Variants in TNKS observed in about 807,000 individuals in gnomAD.
The protein encoded by TNKS is poly [ADP-ribose] polymerase tankyrase-1.
A neutral mutation model predicts 135.8 loss-of-function variants in TNKS; 72 were observed. The observed-to-expected ratio is 0.53, with a 90% CI of 0.44 to 0.64. The LOEUF is 0.64. Ranked by LOEUF, TNKS falls within the 30% of genes least tolerant of loss-of-function variation. The probability of loss-of-function intolerance (pLI) is 0.00; values close to 1 mark genes in which losing one functional copy is unlikely to be tolerated. For synonymous variants in TNKS, 849 were observed against 649.3 expected (o/e 1.31, Z -4.68); for missense variants, 1,769 against 1,674.0 (o/e 1.06, Z -0.99).
intron 20 of TNKS, among the ~76,000 whole-genome samples, chr8:9,758,855 A>T (rs953696732): frequency 3.3e-5 from 5 of 152,226 alleles, no homozygotes; most frequent in African/African-American, 1.2e-4. Flanking sequence ...TCAGGAGTCT[A>T]TGCACAGCTT....
At chr8:9,741,319 GA>G (rs1805947437) in intron 17 of TNKS, among the ~76,000 whole-genome samples, 2 of 152,118 alleles carry the variant, frequency 1.3e-5, no homozygotes, top group Non-Finnish European at 2.9e-5. Flanking sequence ...TATGAGTAGG[GA>G]CAGATGGTGG....
chr8:9,626,708 G>A (rs28657377), intron 3 of TNKS, among the ~76,000 whole-genome samples: 1,706 of 152,230 alleles, frequency 0.011, 25 homozygotes, highest in African/African-American at 0.04. Context: ...AGTCAGTTGT[G>A]GGTAGAAGTC....
chr8:9,665,646 G>A (rs150193267), intron 3 of TNKS, among the ~76,000 whole-genome samples: 1 of 152,286 alleles, frequency 6.6e-6, no homozygotes, highest in Non-Finnish European at 1.5e-5. Flanking sequence ...GCATATACAT[G>A]TGAATGAGGT....
chr8:9,765,727 G>A lies in TNKS; in HGVS notation c.3483G>A (p.Arg1161=). ...QKVVNKKLRE[R]FCHRQKEVSE... ...TTGTCAACAAGAAGTTGAGGGAGCGGTTCTGCCACCGACAGAAGGAAGTGT... is the reference window on the plus strand; with the variant it reads ...TTGTCAACAAGAAGTTGAGGGAGCGATTCTGCCACCGACAGAAGGAAGTGT... The change falls in exon 24 of 27, where the codon CGG becomes CGA. Residue 1161 remains arginine, a synonymous_variant. Coordinates refer to ENST00000310430, the MANE Select transcript of TNKS (RefSeq NM_003747.3). 3.7e-6 allele frequency: 6 copies of A among 1,613,864 alleles called. No homozygotes were observed. Among genetic ancestry groups the A allele is most frequent in the Non-Finnish European group, 5.1e-6 (6 of 1,179,876 alleles).
chr8:9,709,514 T>A (rs936087660), intron 9 of TNKS, among the ~76,000 whole-genome samples: 16 of 152,234 alleles, frequency 1.1e-4, no homozygotes, highest in African/African-American at 3.9e-4. Context: ...ATTTTCTTGC[T>A]TATCCTTGGG....
intron 5 of TNKS, among the ~76,000 whole-genome samples, chr8:9,694,485 G>A (rs182389408): frequency 5.9e-5 from 9 of 152,202 alleles, no homozygotes; most frequent in East Asian, 1.9e-4. Context: ...GTCCAGGCCC[G>A]GCATGGTGGC....
At chr8:9,718,851 T>C (rs1236977587) in intron 11 of TNKS, among the ~76,000 whole-genome samples, 1 of 152,288 alleles carries the variant, frequency 6.6e-6, no homozygotes, top group Non-Finnish European at 1.5e-5. Context: ...ATCACTTTAG[T>C]GCTGAATGTT....
intron 9 of TNKS, among the ~76,000 whole-genome samples, 189 bp downstream of exon 9, chr8:9,708,681 A>G (rs1263215968): frequency 6.6e-6 from 1 of 152,106 alleles, no homozygotes; most frequent in Non-Finnish European, 1.5e-5. Context: ...GAGAGAATTG[A>G]CATTTGCTCA....
At chr8:9,598,502 G>C (rs987116494) in intron 2 of TNKS, among the ~76,000 whole-genome samples, 5 of 151,506 alleles carry the variant, frequency 3.3e-5, no homozygotes, top group African/African-American at 1.2e-4. Context: ...TAATTGCCAG[G>C]CTGGGCAACA....
At chr8:9,652,293 G>C (rs879776172) in intron 3 of TNKS, among the ~76,000 whole-genome samples, 25 of 152,224 alleles carry the variant, frequency 1.6e-4, no homozygotes, top group Non-Finnish European at 2.9e-4. Context: ...ATCTCAATAA[G>C]GTTCTATCTT....
At chr8:9,659,712 A>G (rs996784410) in intron 3 of TNKS, among the ~76,000 whole-genome samples, 2 of 152,234 alleles carry the variant, frequency 1.3e-5, no homozygotes, top group South Asian at 2.1e-4. Context: ...AAAAGCTAGC[A>G]GAAGGCAAGA....
At chr8:9,640,614 A>G (rs1360325596) in intron 3 of TNKS, among the ~76,000 whole-genome samples, 1 of 146,190 alleles carries the variant, frequency 6.8e-6, no homozygotes, top group Non-Finnish European at 1.5e-5. Flanking sequence ...TAAATTTGAC[A>G]TAGCAAGAGT....
At chr8:9,754,507 TTC>T (rs1806733403) in intron 20 of TNKS, among the ~76,000 whole-genome samples, 1 of 152,146 alleles carries the variant, frequency 6.6e-6, no homozygotes, top group South Asian at 2.1e-4. Context: ...TTTTTCTGCT[TTC>T]TCTCTTTTTT....
intron 20 of TNKS, among the ~76,000 whole-genome samples, chr8:9,759,650 C>G (rs376454361): frequency 1.1e-4 from 17 of 152,130 alleles, no homozygotes; most frequent in Non-Finnish European, 2.9e-5. Context: ...TCTGCTTCCT[C>G]CAGACGTGCA....
chr8:9,562,717 C>T (rs1797384471), intron 1 of TNKS, among the ~76,000 whole-genome samples: 1 of 152,084 alleles, frequency 6.6e-6, no homozygotes, highest in Non-Finnish European at 1.5e-5. Context: ...TGCATCTGGC[C>T]ATCATTTCTT....
chr8:9,592,067 G>A, intron 2 of TNKS, among the ~76,000 whole-genome samples: 1 of 152,060 alleles, frequency 6.6e-6, no homozygotes, highest in Non-Finnish European at 1.5e-5. Context: ...GTAAAAGCCA[G>A]GTGGACTTTA....
intron 5 of TNKS, among the ~76,000 whole-genome samples, chr8:9,702,009 G>C (rs1803826841): frequency 6.6e-6 from 1 of 152,242 alleles, no homozygotes; most frequent in African/African-American, 2.4e-5. Flanking sequence ...ATAGTAAAAA[G>C]CCCTCATAAT....
At chr8:9,712,881 C>G (rs932397694) in intron 11 of TNKS, among the ~76,000 whole-genome samples, 1 of 152,134 alleles carries the variant, frequency 6.6e-6, no homozygotes, top group East Asian at 1.9e-4. Flanking sequence ...CAGAGCAGTA[C>G]TCTATCTCAG....
intron 3 of TNKS, among the ~76,000 whole-genome samples, chr8:9,646,576 G>T (rs144720058): frequency 1.0e-3 from 159 of 152,170 alleles, no homozygotes; most frequent in African/African-American, 3.8e-3. Context: ...TCCCTTTTAA[G>T]TGGAATCAAT....
Sources: allele counts gnomAD v4.1 joint callset (sites outside exome capture counted in the v4.1 genomes callset), GRCh38; gene constraint gnomAD v4.1.1; transcripts MANE v1.5; gene names NCBI Gene and HGNC (gene_info 2026-07-23, HGNC 2026-07-21).